OPCML: variants seen among roughly 807,000 people sequenced by gnomAD.
OPCML encodes the protein opioid binding protein/cell adhesion molecule like, also known as opioid-binding protein/cell adhesion molecule.
A neutral mutation model predicts 37.8 loss-of-function variants in OPCML; 13 were observed. That is an observed-to-expected ratio of 0.34 (90% CI 0.22 to 0.55). The LOEUF is 0.55. OPCML is among the 20% of genes least tolerant of loss of function. The pLI is 0.91. For synonymous variants in OPCML, 176 were observed against 168.8 expected (o/e 1.04, Z -0.33); for missense variants, 341 against 435.6 (o/e 0.78, Z 1.93).
chr11:132,921,768 C>T (rs1944812017), intron 2 of OPCML, among the ~76,000 whole-genome samples: 1 of 152,196 alleles, frequency 6.6e-6, no homozygotes, highest in African/African-American at 2.4e-5. Flanking sequence ...CTGCTGCAGT[C>T]ATCTTGTAGC....
At chr11:132,512,608 A>C (rs1264914886) in intron 4 of OPCML, among the ~76,000 whole-genome samples, 1 of 152,002 alleles carries the variant, frequency 6.6e-6, no homozygotes, top group Non-Finnish European at 1.5e-5. Context: ...AAAATTATAC[A>C]AGATTTTACA....
At chr11:132,743,047 A>G (rs948315508) in intron 2 of OPCML, among the ~76,000 whole-genome samples, 5 of 152,002 alleles carry the variant, frequency 3.3e-5, no homozygotes, top group South Asian at 4.2e-4. Context: ...CCCAAGATCA[A>G]TGGAGTCATC....
At chr11:133,531,045 AG>A (rs1948594660) in intron 1 of OPCML, among the ~76,000 whole-genome samples, 1 of 152,218 alleles carries the variant, frequency 6.6e-6, no homozygotes. Context: ...ATGAAAATTT[AG>A]GTTTAAGCTA....
intron 1 of OPCML, among the ~76,000 whole-genome samples, chr11:133,500,906 C>A (rs1034475346): frequency 6.6e-6 from 1 of 152,010 alleles, no homozygotes; most frequent in Admixed American, 6.6e-5. Flanking sequence ...GGAGAGATGA[C>A]TCCTTGCAAT....
At chr11:133,368,823 T>G (rs181516726) in intron 1 of OPCML, among the ~76,000 whole-genome samples, 5 of 152,332 alleles carry the variant, frequency 3.3e-5, no homozygotes, top group African/African-American at 1.2e-4. Context: ...GATGAGGCAC[T>G]TCCTACCCAG....
At position 133,035,037 on chromosome 11, in the gene OPCML, T is replaced by C. The variant is rs551886022; in HGVS notation, c.62-92027A>G. Among the ~76,000 whole-genome samples the C allele has an allele frequency of 1.3e-3, 192 of 152,308 alleles. 1 individual carries two copies. Among genetic ancestry groups the C allele is most frequent in the Non-Finnish European group, 2.3e-3 (159 of 68,026 alleles). On this transcript the variant is annotated intron_variant, in intron 1 of 7. Coordinates refer to ENST00000524381, the MANE Select transcript of OPCML (RefSeq NM_001012393.5). ...GGTTGATATGACCTTCAACACCAGA[T>C]GGATAATGCCCCAGGCGGGAGGAAA...
chr11:132,629,028 C>T (rs1565725812), intron 3 of OPCML, among the ~76,000 whole-genome samples: 1 of 152,096 alleles, frequency 6.6e-6, no homozygotes, highest in Non-Finnish European at 1.5e-5. Flanking sequence ...CACACCTTCA[C>T]TTTCACCCCA....
intron 3 of OPCML, among the ~76,000 whole-genome samples, chr11:132,621,057 A>C (rs1939374814): frequency 6.6e-6 from 1 of 152,272 alleles, no homozygotes; most frequent in Non-Finnish European, 1.5e-5. Context: ...CACGTGTGAC[A>C]CACAAGGCTT....
At chr11:133,315,532 C>T (rs1943185487) in intron 1 of OPCML, among the ~76,000 whole-genome samples, 1 of 152,234 alleles carries the variant, frequency 6.6e-6, no homozygotes, top group Admixed American at 6.5e-5. Flanking sequence ...GGTGTGGTGG[C>T]TCACGCCTAT....
intron 1 of OPCML, among the ~76,000 whole-genome samples, chr11:133,429,025 A>G (rs1197052722): frequency 5.3e-5 from 8 of 152,256 alleles, no homozygotes; most frequent in Non-Finnish European, 1.2e-4. Flanking sequence ...TGTGAGTAGA[A>G]TTAGACTCTG....
At position 133,483,664 on chromosome 11, in the gene OPCML, GATAA is replaced by G. The variant is rs1040384084; in HGVS notation, c.61+48596_61+48599del. On this transcript the variant is annotated intron_variant, in intron 1 of 7. Transcript: ENST00000524381. ...ATAGATTAGGTAGATAGACAGATTA[GATAA>G]ATAGATGATAGATAGATAGATAGAT... Among the ~76,000 whole-genome samples, 25 of 144,694 alleles carry G rather than the reference GATAA, an allele frequency of 1.7e-4. No individual in the cohort carries two copies. In the East Asian group the frequency reaches 2.3e-3, roughly 13 times the overall value. 94.9% of individuals were successfully genotyped at this position (144,694 alleles called of 152,430 possible).
At chr11:133,408,788 C>T (rs1036065788) in intron 1 of OPCML, among the ~76,000 whole-genome samples, 1 of 152,196 alleles carries the variant, frequency 6.6e-6, no homozygotes, top group Non-Finnish European at 1.5e-5. Context: ...GACAGTGGCC[C>T]TTCCAGGAAG....
At chr11:132,783,393 G>A (rs1947099592) in intron 2 of OPCML, among the ~76,000 whole-genome samples, 1 of 152,052 alleles carries the variant, frequency 6.6e-6, no homozygotes, top group African/African-American at 2.4e-5. Flanking sequence ...TATCCCAAGG[G>A]CAATAAATGT....
At chr11:133,007,789 A>G (rs1301194045) in intron 1 of OPCML, 5 of 985,338 alleles carry the variant, frequency 5.1e-6, no homozygotes, top group South Asian at 4.7e-5. Flanking sequence ...TAGTTAGCAC[A>G]TGTATCATAT....
intron 1 of OPCML, among the ~76,000 whole-genome samples, chr11:133,433,251 C>CAAAAAAAAAAAAAAAAAAAAAAAAAAAA (rs71477795): frequency 5.5e-5 from 5 of 90,732 alleles, no homozygotes; most frequent in African/African-American, 2.3e-4. Context: ...GACTCCGTCT[C>CAAAAAAAAAAAAAAAAAAAAAAAAAAAA]AAAAAAAAAA....
intron 2 of OPCML, among the ~76,000 whole-genome samples, chr11:132,662,995 G>C (rs1942049950): frequency 6.6e-6 from 1 of 152,114 alleles, no homozygotes; most frequent in African/African-American, 2.4e-5. Context: ...CCTTTGTTAC[G>C]GTAATAATAC....
chr11:133,496,168 A>G (rs1947782002), intron 1 of OPCML, among the ~76,000 whole-genome samples: 1 of 152,106 alleles, frequency 6.6e-6, no homozygotes, highest in South Asian at 2.1e-4. Context: ...GTCTTTTCCC[A>G]CTTTATGTTT....
chr11:132,482,119 A>T (rs2137022827), intron 4 of OPCML, among the ~76,000 whole-genome samples: 1 of 149,690 alleles, frequency 6.7e-6, no homozygotes, highest in East Asian at 2.0e-4. Context: ...CAAAAAATTA[A>T]TGAATCCAGG....
intron 2 of OPCML, among the ~76,000 whole-genome samples, chr11:132,851,202 T>C (rs1941795517): frequency 6.6e-6 from 1 of 152,230 alleles, no homozygotes; most frequent in Non-Finnish European, 1.5e-5. Flanking sequence ...AAATATCCTT[T>C]TCACTCAACA....
Sources: allele counts gnomAD v4.1 joint callset (sites outside exome capture counted in the v4.1 genomes callset), GRCh38; gene constraint gnomAD v4.1.1; transcripts MANE v1.5; gene names NCBI Gene and HGNC (gene_info 2026-07-23, HGNC 2026-07-21).